GRIK1: variants seen among roughly 807,000 people sequenced by gnomAD.
GRIK1 encodes the protein glutamate ionotropic receptor kainate type subunit 1, also known as glutamate receptor ionotropic, kainate 1.
A neutral mutation model predicts 105.7 loss-of-function variants in GRIK1; 69 were observed. The ratio of observed to expected loss-of-function variants is 0.65; its 90% CI spans 0.54 to 0.80. The LOEUF (loss-of-function observed/expected upper bound fraction) is 0.80, where lower values mean the gene tolerates loss of function less well. Among genes scored for constraint, GRIK1 ranks in the 30% least tolerant of loss-of-function variants. The pLI is 0.00. For missense variants in GRIK1, 1,109 were observed against 1,167.3 expected (o/e 0.95, Z 0.73); for synonymous variants, 438 against 431.3 (o/e 1.02, Z -0.19).
intron 1 of GRIK1, among the ~76,000 whole-genome samples, chr21:29,790,953 G>A (rs189606598): frequency 1.3e-5 from 2 of 152,278 alleles, no homozygotes; most frequent in Admixed American, 1.3e-4. Context: ...AAGTAAACAG[G>A]GTAATAGAAA....
At chr21:29,855,912 G>T (rs575665732) in intron 1 of GRIK1, among the ~76,000 whole-genome samples, 3 of 152,218 alleles carry the variant, frequency 2.0e-5, no homozygotes, top group South Asian at 2.1e-4. Context: ...TAAAGTTTTG[G>T]CTTGAACAAC....
At chr21:29,661,350 G>T (rs543652220) in intron 4 of GRIK1, among the ~76,000 whole-genome samples, 107 of 152,322 alleles carry the variant, frequency 7.0e-4, no homozygotes, top group African/African-American at 2.2e-3. Flanking sequence ...GGATTTTACA[G>T]ATGTGAATAA....
At chr21:29,855,670 A>T (rs1292663199) in intron 1 of GRIK1, among the ~76,000 whole-genome samples, 1 of 152,166 alleles carries the variant, frequency 6.6e-6, no homozygotes, top group Admixed American at 6.5e-5. Context: ...AAGATTAGGG[A>T]TAGGGGTTGA....
At chr21:29,857,513 C>T (rs1444522183) in intron 1 of GRIK1, among the ~76,000 whole-genome samples, 1 of 152,162 alleles carries the variant, frequency 6.6e-6, no homozygotes, top group Admixed American at 6.5e-5. Flanking sequence ...ACAATGAAAA[C>T]AGTGAGTTAA....
Position 29,642,911 on chromosome 21 carries a change from G to A in GRIK1, c.1013C>T (p.Ala338Val). The A allele has an allele frequency of 2.5e-6, 4 of 1,613,760 alleles. No homozygotes were observed. Among genetic ancestry groups the A allele is most frequent in the Non-Finnish European group, 3.4e-6 (4 of 1,179,640 alleles). ...CAGGGAGCTGACGGTCAGCTGGGAT[G>A]CCCGGTGCGAGGCAATGGCCACCAT... is the stretch of plus-strand genomic sequence containing the variant. ...VYMVAIASHR[A>V]SQLTVSSLQC... Residue 338 changes from alanine (A) to valine (V), a missense_variant, in exon 7 of 18, where the codon GCA becomes GTA. This residue lies in a region of GRIK1 where 612 missense variants were observed against 586.0 expected (regional missense o/e 1.04). Coordinates refer to ENST00000327783, the MANE Select transcript of GRIK1 (RefSeq NM_001330994.2).
chr21:29,861,634 C>T (rs2068643068), intron 1 of GRIK1: 1 of 443,260 alleles, frequency 2.3e-6, no homozygotes, highest in South Asian at 1.6e-5. Context: ...AACTCATTCC[C>T]TTCTTTTCCT....
At chr21:29,537,660 CA>C (rs2123632972) in intron 17 of GRIK1, 137 bp downstream of exon 17, 3 of 749,506 alleles carry the variant, frequency 4.0e-6, no homozygotes, top group East Asian at 4.9e-5. Context: ...TCAGGGCTCT[CA>C]AAATAGATAA....
At chr21:29,604,487 A>G (rs1161647338) in intron 7 of GRIK1, among the ~76,000 whole-genome samples, 1 of 152,216 alleles carries the variant, frequency 6.6e-6, no homozygotes, top group Non-Finnish European at 1.5e-5. Context: ...ACTATTGATT[A>G]GGGTGAATAT....
chr21:29,913,277 T>G (rs1248274419), intron 1 of GRIK1, among the ~76,000 whole-genome samples: 1 of 152,076 alleles, frequency 6.6e-6, no homozygotes, highest in East Asian at 1.9e-4. Flanking sequence ...ACTGAAGTAA[T>G]GAAAACCTGT....
At chr21:29,658,478 G>T (rs2062898714) in intron 4 of GRIK1, among the ~76,000 whole-genome samples, 2 of 152,120 alleles carry the variant, frequency 1.3e-5, no homozygotes, top group Non-Finnish European at 2.9e-5. Context: ...GGCCACGCTG[G>T]TTCAAACTCC....
At chr21:29,740,308 C>G (rs139082434) in intron 1 of GRIK1, among the ~76,000 whole-genome samples, 1 of 152,006 alleles carries the variant, frequency 6.6e-6, no homozygotes, top group East Asian at 1.9e-4. Context: ...ACCTCTGCCT[C>G]CAGGGTTCAA....
chr21:29,636,543 G>A (rs961052690), intron 7 of GRIK1, among the ~76,000 whole-genome samples: 1 of 152,160 alleles, frequency 6.6e-6, no homozygotes, highest in African/African-American at 2.4e-5. Flanking sequence ...TTGTTGATAT[G>A]GAGGTAGCAG....
intron 1 of GRIK1, among the ~76,000 whole-genome samples, chr21:29,798,658 A>C (rs577657455): frequency 1.3e-5 from 2 of 152,222 alleles, no homozygotes; most frequent in African/African-American, 2.4e-5. Flanking sequence ...GAGTGATTTC[A>C]AAGAACATTA....
intron 1 of GRIK1, among the ~76,000 whole-genome samples, chr21:29,835,356 C>T (rs373246648): frequency 1.6e-4 from 24 of 152,252 alleles, no homozygotes; most frequent in African/African-American, 5.1e-4. Flanking sequence ...TTTTGAGAGG[C>T]GTGGCCCCAG....
At chr21:29,873,454 C>G (rs891002058) in intron 1 of GRIK1, among the ~76,000 whole-genome samples, 1 of 152,140 alleles carries the variant, frequency 6.6e-6, no homozygotes, top group Admixed American at 6.5e-5. Context: ...CTTACCTTTC[C>G]GAAGTCTTGG....
At chr21:29,583,915 T>C (rs1601182687) in intron 12 of GRIK1, among the ~76,000 whole-genome samples, 1 of 152,120 alleles carries the variant, frequency 6.6e-6, no homozygotes, top group African/African-American at 2.4e-5. Context: ...AAGATTAATA[T>C]ATGACCTACA....
chr21:29,795,028 ATTTTTTTTTTT>A, intron 1 of GRIK1, among the ~76,000 whole-genome samples: 1 of 85,220 alleles, frequency 1.2e-5, no homozygotes, highest in South Asian at 5.0e-4. Context: ...TTTGCTCTAA[ATTTTTTTTTTT>A]TTTTTTTTTT....
intron 1 of GRIK1, among the ~76,000 whole-genome samples, chr21:29,733,004 G>T (rs1414758562): frequency 6.6e-6 from 1 of 152,148 alleles, no homozygotes; most frequent in East Asian, 1.9e-4. Context: ...ATGTGGCATT[G>T]AACTTAATTT....
chr21:29,759,604 G>A (rs1344223703), intron 1 of GRIK1, among the ~76,000 whole-genome samples: 1 of 152,222 alleles, frequency 6.6e-6, no homozygotes, highest in African/African-American at 2.4e-5. Context: ...GACATGATCA[G>A]AAAGAGAATG....
Sources: allele counts gnomAD v4.1 joint callset (sites outside exome capture counted in the v4.1 genomes callset), GRCh38; gene constraint gnomAD v4.1.1; regional missense constraint gnomAD v4.1.1; transcripts MANE v1.5; gene names NCBI Gene and HGNC (gene_info 2026-07-23, HGNC 2026-07-21).